The following AGAP1 variants were observed in gnomAD, a reference collection of about 807,000 sequenced individuals.
AGAP1 encodes ArfGAP with GTPase domain, ankyrin repeat and PH domain 1, also known as arf-GAP with GTPase, ANK repeat and PH domain-containing protein 1.
A neutral mutation model predicts 105.3 loss-of-function variants in AGAP1; 29 were observed. The observed-to-expected ratio is 0.28, with a 90% CI of 0.21 to 0.38. The LOEUF (loss-of-function observed/expected upper bound fraction) is 0.38, where lower values mean the gene tolerates loss of function less well. Ranked by LOEUF, AGAP1 falls within the 10% of genes least tolerant of loss-of-function variation. The pLI is 1.00. For missense variants in AGAP1, 998 were observed against 1,165.1 expected (o/e 0.86, Z 2.09); for synonymous variants, 509 against 485.9 (o/e 1.05, Z -0.63).
rs190435866 is a variant in AGAP1 at position 236,006,219 on chromosome 2, A to G, written c.1646-30342A>G. 5.8e-3 allele frequency among the ~76,000 whole-genome samples: 874 copies of G among 151,866 alleles called. 9 individuals carry two copies. The highest frequency in any genetic ancestry group is 0.031 in the Middle Eastern group (9 of 294). ...TCCCACACCCTTTGCCCTACACCCC[A>G]TCTCTGTGGGGTTTCTTTTGTTTGA... On this transcript the variant is annotated intron_variant, in intron 13 of 17. Coordinates refer to ENST00000304032, the MANE Select transcript of AGAP1 (RefSeq NM_001037131.3).
In AGAP1 at chr2:235,733,312, A is replaced by T. The variant is rs1257309035; in HGVS notation, c.311-7651A>T. The stretch of plus-strand genomic sequence containing the variant: ...ATTCCTCAGTCAGGAGACGAAAAAG[A>T]TGAGGCCACGGCTGCCCCTTCTGTT... On this transcript the variant is annotated intron_variant, in intron 3 of 17. Coordinates refer to ENST00000304032, the MANE Select transcript of AGAP1 (RefSeq NM_001037131.3). The surrounding 1 kb of genome is among the most constrained non-coding windows in gnomAD (Gnocchi z 5.0). Among the ~76,000 whole-genome samples, 1 of 152,192 alleles carries T rather than the reference A, an allele frequency of 6.6e-6. No homozygotes were observed. The highest frequency in any genetic ancestry group is 6.5e-5 in the Admixed American group (1 of 15,282).
rs2059355789 is a variant in AGAP1 at position 236,101,923 on chromosome 2, G to C, written c.2115-18269G>C. 6.6e-6 allele frequency among the ~76,000 whole-genome samples: 1 copy of C among 152,210 alleles called. No individual in the cohort carries two copies. The highest frequency in any genetic ancestry group is 1.5e-5 in the Non-Finnish European group (1 of 68,048). On this transcript the variant is annotated intron_variant, in intron 16 of 17. Transcript: ENST00000304032. This position sits in a 1 kb window ranked among gnomAD's most constrained non-coding sequence, Gnocchi z 4.9. ...TTCTGTGTGTGACTAGCATGGCTTAGCTATGTTTCTGTGCAAACATACTCA... is the reference window on the plus strand; with the variant it reads ...TTCTGTGTGTGACTAGCATGGCTTACCTATGTTTCTGTGCAAACATACTCA...
intron 9 of AGAP1, among the ~76,000 whole-genome samples, chr2:235,836,997 G>A (rs13022523): frequency 0.46 from 69,283 of 151,950 alleles, 18,279 homozygotes; most frequent in East Asian, 0.8. Context: ...GTTGTGGGAG[G>A]GGGTTGAGAC....
At chr2:235,576,812 G>A (rs574848308) in intron 1 of AGAP1, among the ~76,000 whole-genome samples, 5 of 152,294 alleles carry the variant, frequency 3.3e-5, no homozygotes, top group East Asian at 1.9e-4. Context: ...CCCTCTTCCC[G>A]TGACTGTTCT....
intron 1 of AGAP1, among the ~76,000 whole-genome samples, chr2:235,630,913 G>A (rs1031543426): frequency 2.6e-5 from 4 of 152,194 alleles, no homozygotes; most frequent in African/African-American, 7.2e-5. Context: ...GTATGAACAC[G>A]AGTGACAGCC....
chr2:235,792,587 A>G lies in AGAP1; in HGVS notation c.674-5172A>G, dbSNP rs1957044344. ...TTTGGTCACCAGCTGTGGAAGGATA[A>G]GTCTTAGACCAAGGCAGTGGCAGTG... On this transcript the variant is annotated intron_variant, in intron 6 of 17. Coordinates refer to ENST00000304032, the MANE Select transcript of AGAP1 (RefSeq NM_001037131.3). The surrounding 1 kb of genome is among the most constrained non-coding windows in gnomAD (Gnocchi z 5.3). Among the ~76,000 whole-genome samples, 1 of 152,214 alleles carries G rather than the reference A, an allele frequency of 6.6e-6. No homozygotes were observed. The highest frequency in any genetic ancestry group is 2.4e-5 in the African/African-American group (1 of 41,444).
Position 235,736,419 on chromosome 2 carries a change from C to G in AGAP1, c.311-4544C>G, listed in dbSNP as rs991370796. Among the ~76,000 whole-genome samples, 6 of 152,108 alleles carry G rather than the reference C, an allele frequency of 3.9e-5. No individual in the cohort carries two copies. Among genetic ancestry groups the G allele is most frequent in the Admixed American group, 1.3e-4 (2 of 15,266 alleles). Reference sequence around the variant, plus strand: ...AGAGAAGGTTGCACATCACTCATGGCAGATCCATTACATGGGCCATGGGCC... The same window carrying G: ...AGAGAAGGTTGCACATCACTCATGGGAGATCCATTACATGGGCCATGGGCC... On this transcript the variant is annotated intron_variant, in intron 3 of 17. Coordinates refer to ENST00000304032, the MANE Select transcript of AGAP1 (RefSeq NM_001037131.3). This position sits in a 1 kb window ranked among gnomAD's most constrained non-coding sequence, Gnocchi z 5.5.
intron 1 of AGAP1, among the ~76,000 whole-genome samples, chr2:235,590,919 C>T (rs749446635): frequency 2.6e-5 from 4 of 151,540 alleles, no homozygotes; most frequent in Non-Finnish European, 5.9e-5. Context: ...GACGGGGTTT[C>T]ACCATGTTAG....
At chr2:236,118,744 G>T (rs1348565977) in intron 16 of AGAP1, among the ~76,000 whole-genome samples, 3 of 152,050 alleles carry the variant, frequency 2.0e-5, no homozygotes, top group Non-Finnish European at 4.4e-5. Flanking sequence ...CCCTGGCTGG[G>T]CTTGGCTCCT....
At chr2:235,575,273 C>T (rs1346488188) in intron 1 of AGAP1, among the ~76,000 whole-genome samples, 2 of 152,110 alleles carry the variant, frequency 1.3e-5, no homozygotes, top group Admixed American at 6.5e-5. Context: ...AATTACATGT[C>T]ATGTTTGTTG....
In AGAP1 at chr2:235,979,121, GT is replaced by G. The variant is rs2054983134; in HGVS notation, c.1645+10505del. Among the ~76,000 whole-genome samples, 1 of 149,326 alleles carries G rather than the reference GT, an allele frequency of 6.7e-6. No individual in the cohort carries two copies. The highest frequency in any genetic ancestry group is 6.6e-5 in the Admixed American group (1 of 15,066). Reference sequence around the variant, plus strand: ...TGGATGACAGAAGTGTATTTGTGGGGTTTTTTTGTTGTTGTTTTTGTTTTTT... The same window carrying G: ...TGGATGACAGAAGTGTATTTGTGGGGTTTTTTGTTGTTGTTTTTGTTTTTT... On this transcript the variant is annotated intron_variant, in intron 13 of 17. Coordinates refer to ENST00000304032, the MANE Select transcript of AGAP1 (RefSeq NM_001037131.3). This position sits in a 1 kb window ranked among gnomAD's most constrained non-coding sequence, Gnocchi z 4.5.
At chr2:235,654,953 T>C (rs1362407745) in intron 1 of AGAP1, among the ~76,000 whole-genome samples, 1 of 152,236 alleles carries the variant, frequency 6.6e-6, no homozygotes, top group Admixed American at 6.5e-5. Flanking sequence ...ATGATTTGCA[T>C]TCATATCAGA....
chr2:235,973,789 G>C lies in AGAP1; in HGVS notation c.1645+5166G>C, dbSNP rs2054750275. ...GAGGGAGTGACCCCGACCCTGCATGGGGTCGGCATGGGTTGGACCAGGGCA... is the reference window on the plus strand; with the variant it reads ...GAGGGAGTGACCCCGACCCTGCATGCGGTCGGCATGGGTTGGACCAGGGCA... On this transcript the variant is annotated intron_variant, in intron 13 of 17. Coordinates refer to ENST00000304032, the MANE Select transcript of AGAP1 (RefSeq NM_001037131.3). This position sits in a 1 kb window ranked among gnomAD's most constrained non-coding sequence, Gnocchi z 4.7. Among the ~76,000 whole-genome samples, 1 of 152,136 alleles carries C rather than the reference G, an allele frequency of 6.6e-6. No individual in the cohort carries two copies. Among genetic ancestry groups the C allele is most frequent in the Non-Finnish European group, 1.5e-5 (1 of 68,026 alleles).
intron 1 of AGAP1, among the ~76,000 whole-genome samples, chr2:235,585,184 T>C (rs1484345018): frequency 6.6e-6 from 1 of 152,152 alleles, no homozygotes; most frequent in African/African-American, 2.4e-5. Context: ...TTTATTACAG[T>C]TCGGAAGCTC....
intron 16 of AGAP1, among the ~76,000 whole-genome samples, chr2:236,052,015 T>C (rs2057915108): frequency 6.6e-6 from 1 of 152,114 alleles, no homozygotes; most frequent in Non-Finnish European, 1.5e-5. Context: ...ATTCTGCCTT[T>C]CGAAGCCACC....
Position 235,865,418 on chromosome 2 carries a change from G to A in AGAP1, c.1051-17927G>A, listed in dbSNP as rs143720179. Among the ~76,000 whole-genome samples, 1 of 152,216 alleles carries A rather than the reference G, an allele frequency of 6.6e-6. No individual in the cohort carries two copies. Among genetic ancestry groups the A allele is most frequent in the Non-Finnish European group, 1.5e-5 (1 of 68,040 alleles). ...TAACACGTGTGGCGCCGACCCCGCC[G>A]TGCGCAATCGGGGCTTTATACGATT... On this transcript the variant is annotated intron_variant, in intron 9 of 17. Coordinates refer to ENST00000304032, the MANE Select transcript of AGAP1 (RefSeq NM_001037131.3). The surrounding 1 kb of genome is among the most constrained non-coding windows in gnomAD (Gnocchi z 6.2).
In AGAP1 at chr2:235,721,477, A is replaced by ATGTGTGTGTGTGTG. The variant is rs57069910; in HGVS notation, c.310+3847_310+3860dup. Among the ~76,000 whole-genome samples the ATGTGTGTGTGTGTG allele has an allele frequency of 1.1e-4, 17 of 149,628 alleles. No individual in the cohort carries two copies. Among genetic ancestry groups the ATGTGTGTGTGTGTG allele is most frequent in the African/African-American group, 3.9e-4 (16 of 40,638 alleles). ...TTGGATTGACAGATTCCTTAATATT[A>ATGTGTGTGTGTGTG]TGTGTGTGTGTGTGTGTGTGTGTGT... On this transcript the variant is annotated intron_variant, in intron 3 of 17. Transcript: ENST00000304032. This position sits in a 1 kb window ranked among gnomAD's most constrained non-coding sequence, Gnocchi z 4.5.
In AGAP1 at chr2:235,610,176, G is replaced by C. The variant is rs1162323053; in HGVS notation, c.164-99003G>C. 6.6e-6 allele frequency among the ~76,000 whole-genome samples: 1 copy of C among 152,154 alleles called. No individual in the cohort carries two copies. The highest frequency in any genetic ancestry group is 1.5e-5 in the Non-Finnish European group (1 of 68,026). The stretch of plus-strand genomic sequence containing the variant: ...TCCTGGCTTCTGATCTGTGTTGACT[G>C]CTACCCGATAGAGCCACAGTCATCC... On this transcript the variant is annotated intron_variant, in intron 1 of 17. Coordinates refer to ENST00000304032, the MANE Select transcript of AGAP1 (RefSeq NM_001037131.3). This position sits in a 1 kb window ranked among gnomAD's most constrained non-coding sequence, Gnocchi z 4.9.
At chr2:235,693,005 G>A (rs1398159727) in intron 1 of AGAP1, among the ~76,000 whole-genome samples, 1 of 152,184 alleles carries the variant, frequency 6.6e-6, no homozygotes, top group Non-Finnish European at 1.5e-5. Flanking sequence ...CTGAGGCCCA[G>A]TGTGGACTGT....
Sources: gnomAD v4.1 joint callset for allele counts (sites outside exome capture counted in the v4.1 genomes callset) on GRCh38, gnomAD v4.1.1 for gene constraint, Gnocchi (gnomAD v3.1) non-coding constraint, MANE v1.5 for transcripts, NCBI Gene and HGNC (gene_info 2026-07-23, HGNC 2026-07-21) for gene names.